PPP1R36: variants seen among roughly 807,000 people sequenced by gnomAD.
PPP1R36 encodes the protein protein phosphatase 1 regulatory subunit 36.
In PPP1R36, 47 loss-of-function variants were observed where a neutral mutation model predicts 53.4. That is an observed-to-expected ratio of 0.88 (90% CI 0.70 to 1.12). PPP1R36 has a LOEUF of 1.12. Among genes scored for constraint, PPP1R36 ranks in the 50% most tolerant of loss-of-function variants. The pLI, the probability that PPP1R36 is intolerant of heterozygous loss-of-function variation, is 0.00. For synonymous variants in PPP1R36, 153 were observed against 170.5 expected, an observed-to-expected ratio of 0.90 and a Z score of 0.80; for missense variants, 456 against 513.9, an observed-to-expected ratio of 0.89 and a Z score of 1.09.
chr14:64,587,172 T>G (rs1358707498), intron 9 of PPP1R36, 22 bp from the exon 10 acceptor site: 1 of 1,579,462 alleles, frequency 6.3e-7, no homozygotes, highest in Admixed American at 1.7e-5. Context: ...GGATCGTGAT[T>G]CTTGTCTATT....
At chr14:64,572,934 G>A (rs1387495102) in intron 7 of PPP1R36, among the ~76,000 whole-genome samples, 1 of 152,102 alleles carries the variant, frequency 6.6e-6, no homozygotes, top group Admixed American at 6.6e-5. Flanking sequence ...GGGTGTGTTT[G>A]GGTTATATCC....
chr14:64,557,749 C>T (rs1312883459), intron 3 of PPP1R36, among the ~76,000 whole-genome samples: 1 of 152,148 alleles, frequency 6.6e-6, no homozygotes, highest in Non-Finnish European at 1.5e-5. Flanking sequence ...CAGTGGCTCA[C>T]GCCTGTAATC....
intron 7 of PPP1R36, among the ~76,000 whole-genome samples, chr14:64,570,970 C>T (rs778315265): frequency 6.6e-5 from 10 of 152,198 alleles, no homozygotes; most frequent in African/African-American, 9.7e-5. Context: ...GATATTAGAA[C>T]CCAGGTCTGT....
intron 3 of PPP1R36, among the ~76,000 whole-genome samples, chr14:64,557,303 C>T (rs546083058): frequency 1.9e-4 from 29 of 152,114 alleles, no homozygotes; most frequent in Admixed American, 3.9e-4. Context: ...TCCCAGGCAT[C>T]ATATCATCTG....
At chr14:64,550,087 C>A in intron 1 of PPP1R36, 21 bp downstream of exon 1, 1 of 1,550,458 alleles carries the variant, frequency 6.4e-7, no homozygotes. Context: ...CCTTGGTCGC[C>A]CCCATACCCG....
intron 7 of PPP1R36, among the ~76,000 whole-genome samples, chr14:64,571,900 A>G (rs986334537): frequency 6.6e-6 from 1 of 152,014 alleles, no homozygotes; most frequent in African/African-American, 2.4e-5. Flanking sequence ...ATCAGATCTC[A>G]TGAAACTTAT....
chr14:64,570,823 TA>T (rs1234749934), intron 7 of PPP1R36, among the ~76,000 whole-genome samples: 1 of 152,120 alleles, frequency 6.6e-6, no homozygotes, highest in Non-Finnish European at 1.5e-5. Context: ...GTCAGGTGAT[TA>T]AAAGCCCTAC....
intron 8 of PPP1R36, among the ~76,000 whole-genome samples, chr14:64,575,876 T>G (rs1008026620): frequency 9.2e-5 from 14 of 152,172 alleles, no homozygotes; most frequent in African/African-American, 3.1e-4. Context: ...GGTCTCGATC[T>G]CCTGACCTCG....
At position 64,564,738 on chromosome 14, in the gene PPP1R36, A is replaced by G; in HGVS notation, c.183-13A>G. The G allele has an allele frequency of 6.3e-7, 1 of 1,592,714 alleles. No homozygotes were observed. Among genetic ancestry groups the G allele is most frequent in the Non-Finnish European group, 8.6e-7 (1 of 1,167,612 alleles). On this transcript the variant is annotated splice_polypyrimidine_tract_variant and intron_variant, in intron 3 of 11. Transcript: ENST00000298705. ...AAAAGGTGAAGTCCCTAATTATCTC[A>G]TTTTTATTGCAGTTTTACACCTGCA... is the stretch of plus-strand genomic sequence containing the variant.
rs546680475 is a variant in PPP1R36, at chr14:64,558,728, T to C, written c.182+5867T>C. On this transcript the variant is annotated intron_variant, in intron 3 of 11. Coordinates refer to ENST00000298705, the MANE Select transcript of PPP1R36 (RefSeq NM_172365.3). ...TCGGCTCACTGCAACCTCCCCATCC[T>C]GGGTTCAAGGGGTTCTCTTGCCTCA... 3.0e-4 allele frequency among the ~76,000 whole-genome samples: 46 copies of C among 151,536 alleles called. No individual in the cohort carries two copies. The South Asian group carries it at 9.6e-3, about 32-fold the overall frequency.
chr14:64,552,066 G>A (rs1467591910), intron 2 of PPP1R36, among the ~76,000 whole-genome samples: 1 of 152,210 alleles, frequency 6.6e-6, no homozygotes, highest in East Asian at 1.9e-4. Flanking sequence ...TGTTTGGATA[G>A]GATTGATAGG....
Position 64,587,239 on chromosome 14 carries a change from C to G in PPP1R36, c.757C>G (p.Arg253Gly). The change falls in exon 10 of 12, where the codon CGT becomes GGT. Residue 253 changes from arginine (R) to glycine (G), a missense_variant. Arg to Gly is a moderately radical substitution (Grantham distance 125). Coordinates refer to ENST00000298705, the MANE Select transcript of PPP1R36 (RefSeq NM_172365.3). ...CTYVAWIVFR[R>G]QHLTEIEEEV... ...ATATGTGGCTTGGATTGTCTTCCGACGTCAACACTTGACAGAGATTGAAGA... is the reference window on the plus strand; with the variant it reads ...ATATGTGGCTTGGATTGTCTTCCGAGGTCAACACTTGACAGAGATTGAAGA... The G allele has an allele frequency of 6.2e-7, 1 of 1,613,210 alleles. No individual in the cohort carries two copies. Among genetic ancestry groups the G allele is most frequent in the Non-Finnish European group, 8.5e-7 (1 of 1,179,492 alleles).
At chr14:64,573,396 G>A (rs919730588) in intron 7 of PPP1R36, among the ~76,000 whole-genome samples, 2 of 152,294 alleles carry the variant, frequency 1.3e-5, no homozygotes, top group South Asian at 2.1e-4. Context: ...AAAATGGAGA[G>A]TTGGTCCTTG....
rs971691425 is a variant in PPP1R36, at chr14:64,557,019, G to C, written c.182+4158G>C. Among the ~76,000 whole-genome samples, 33 of 151,042 alleles carry C rather than the reference G, an allele frequency of 2.2e-4. 1 individual carries two copies. Among genetic ancestry groups the C allele is most frequent in the African/African-American group, 7.3e-4 (30 of 40,972 alleles). ...CATGCCCAGCTAATTTTTCTGTAGAGATGGGGTTTTGCCATGTGCCCAGGC... is the reference window on the plus strand; with the variant it reads ...CATGCCCAGCTAATTTTTCTGTAGACATGGGGTTTTGCCATGTGCCCAGGC... On this transcript the variant is annotated intron_variant, in intron 3 of 11. Coordinates refer to ENST00000298705, the MANE Select transcript of PPP1R36 (RefSeq NM_172365.3).
At chr14:64,588,413 C>G in intron 11 of PPP1R36, 118 bp downstream of exon 11, 1 of 878,010 alleles carries the variant, frequency 1.1e-6, no homozygotes, top group South Asian at 1.8e-5. Flanking sequence ...GATGACAGCC[C>G]CCATTTTCTT....
At chr14:64,564,004 G>T (rs1308725242) in intron 3 of PPP1R36, among the ~76,000 whole-genome samples, 2 of 152,210 alleles carry the variant, frequency 1.3e-5, no homozygotes, top group African/African-American at 2.4e-5. Flanking sequence ...TATTTTCAAT[G>T]TCATAGCAAT....
At chr14:64,583,811 CAAAAAAAA>C (rs529491293) in intron 8 of PPP1R36, among the ~76,000 whole-genome samples, 1 of 30,050 alleles carries the variant, frequency 3.3e-5, no homozygotes, top group South Asian at 1.1e-3. Flanking sequence ...AACTCCATCT[CAAAAAAAA>C]AAAAAAAAAA....
chr14:64,586,817 TGTGACTTGTTATATTACA>T lies in PPP1R36; in HGVS notation c.669-18_669-1del, dbSNP rs752818148. On this transcript the variant is annotated splice_acceptor_variant and splice_polypyrimidine_tract_variant and intron_variant, in intron 8 of 11. Coordinates refer to ENST00000298705, the MANE Select transcript of PPP1R36 (RefSeq NM_172365.3). LOFTEE classifies it high-confidence loss of function. ...TTGAACTTCCCTCTCAACCTATAGT[TGTGACTTGTTATATTACA>T]GGGAGAAAATATCAGATACACAGAA... The T allele has an allele frequency of 2.5e-6, 4 of 1,590,202 alleles. No homozygotes were observed. The highest frequency in any genetic ancestry group is 3.5e-6 in the Non-Finnish European group (4 of 1,159,070).
At position 64,552,801 on chromosome 14, in the gene PPP1R36, T is replaced by C. The variant is rs1596720928; in HGVS notation, c.135-13T>C. On this transcript the variant is annotated splice_polypyrimidine_tract_variant and intron_variant, in intron 2 of 11. Coordinates refer to ENST00000298705, the MANE Select transcript of PPP1R36 (RefSeq NM_172365.3). ...CGTCACTTCAAAGCAGTAATTTCAG[T>C]TTTCTTTCTCAGGTTTGCCGCAGAA... 5 of 1,612,872 alleles carry C rather than the reference T, an allele frequency of 3.1e-6. No individual in the cohort carries two copies. Among genetic ancestry groups the C allele is most frequent in the Non-Finnish European group, 4.2e-6 (5 of 1,178,908 alleles).
Sources: gnomAD v4.1 joint callset for allele counts (sites outside exome capture counted in the v4.1 genomes callset) on GRCh38, gnomAD v4.1.1 for gene constraint, MANE v1.5 for transcripts, NCBI Gene and HGNC (gene_info 2026-07-23, HGNC 2026-07-21) for gene names.